The following CNBD1 variants were observed in gnomAD, a reference collection of about 807,000 sequenced individuals.
The protein encoded by CNBD1 is cyclic nucleotide-binding domain-containing protein 1.
In CNBD1, 71 loss-of-function variants were observed where a neutral mutation model predicts 54.4. That is an observed-to-expected ratio of 1.30 (90% CI 1.08 to 1.59). The LOEUF (loss-of-function observed/expected upper bound fraction) is 1.59, where lower values mean the gene tolerates loss of function less well. Ranked by LOEUF, CNBD1 falls within the 40% of genes most tolerant of loss-of-function variation. The pLI is 0.00. For missense variants in CNBD1, 659 were observed against 518.0 expected (o/e 1.27, Z -2.64); for synonymous variants, 182 against 170.7 (o/e 1.07, Z -0.51).
intron 8 of CNBD1, among the ~76,000 whole-genome samples, chr8:87,297,593 C>G (rs1447576332): frequency 2.6e-5 from 4 of 152,050 alleles, no homozygotes; most frequent in Admixed American, 6.5e-5. Context: ...GTGGCTAGAG[C>G]TAAGAGAGTG....
intron 4 of CNBD1, among the ~76,000 whole-genome samples, chr8:87,090,652 A>G (rs1811186677): frequency 6.6e-6 from 1 of 152,188 alleles, no homozygotes; most frequent in Non-Finnish European, 1.5e-5. Flanking sequence ...AAATTTACTG[A>G]TTGAATTTGA....
At chr8:87,041,341 G>C (rs1810063778) in intron 4 of CNBD1, among the ~76,000 whole-genome samples, 4 of 152,116 alleles carry the variant, frequency 2.6e-5, no homozygotes, top group Admixed American at 6.6e-5. Context: ...GGGGGTTGTG[G>C]TGCAGAACTA....
intron 4 of CNBD1, among the ~76,000 whole-genome samples, chr8:87,110,022 G>C (rs1244782437): frequency 6.6e-6 from 1 of 151,992 alleles, no homozygotes; most frequent in Non-Finnish European, 1.5e-5. Flanking sequence ...TAAACCATTT[G>C]CCACTGCCAG....
intron 4 of CNBD1, among the ~76,000 whole-genome samples, chr8:86,965,493 T>G (rs1343677832): frequency 6.6e-6 from 1 of 152,118 alleles, no homozygotes; most frequent in Non-Finnish European, 1.5e-5. Flanking sequence ...CTGTCCTCCT[T>G]AAGTCTGGCA....
At chr8:87,425,839 G>C (rs1475624603) in intron 2 of CNBD1, among the ~76,000 whole-genome samples, 2 of 152,156 alleles carry the variant, frequency 1.3e-5, no homozygotes, top group East Asian at 3.9e-4. Context: ...AGCTGTGGTG[G>C]GCTCCACCCA....
chr8:87,089,753 C>T (rs1811170569), intron 4 of CNBD1, among the ~76,000 whole-genome samples: 1 of 151,748 alleles, frequency 6.6e-6, no homozygotes, highest in South Asian at 2.1e-4. Context: ...TTTTTTTTCT[C>T]AAAGAATTTA....
chr8:87,152,022 A>G (rs1654909321), intron 4 of CNBD1, among the ~76,000 whole-genome samples: 1 of 152,162 alleles, frequency 6.6e-6, no homozygotes, highest in African/African-American at 2.4e-5. Flanking sequence ...CTCAAAAATG[A>G]GTCTAGGGAA....
chr8:87,265,574 A>G (rs1377938313), intron 6 of CNBD1, among the ~76,000 whole-genome samples: 1 of 152,180 alleles, frequency 6.6e-6, no homozygotes, highest in Non-Finnish European at 1.5e-5. Context: ...AGTAAATAAT[A>G]GGAATTATCT....
chr8:87,412,500 C>T (rs1413211763), intron 2 of CNBD1, among the ~76,000 whole-genome samples: 3 of 152,016 alleles, frequency 2.0e-5, no homozygotes, highest in Non-Finnish European at 2.9e-5. Context: ...GACACTCACC[C>T]ACATGGTCCC....
At chr8:87,185,546 C>A (rs1055878272) in intron 4 of CNBD1, among the ~76,000 whole-genome samples, 23 of 152,108 alleles carry the variant, frequency 1.5e-4, no homozygotes, top group Admixed American at 1.5e-3. Context: ...TAGTCTATGG[C>A]ACATTTTTTT....
intron 4 of CNBD1, among the ~76,000 whole-genome samples, chr8:86,945,628 G>T (rs1807448317): frequency 6.6e-6 from 1 of 152,086 alleles, no homozygotes; most frequent in Non-Finnish European, 1.5e-5. Context: ...GGAGTGGAAG[G>T]GGGATTCATA....
At chr8:86,986,416 CTT>C (rs1563848381) in intron 4 of CNBD1, among the ~76,000 whole-genome samples, 1 of 152,030 alleles carries the variant, frequency 6.6e-6, no homozygotes, top group Non-Finnish European at 1.5e-5. Context: ...GATATTAGAA[CTT>C]TGATGGATGC....
intron 5 of CNBD1, among the ~76,000 whole-genome samples, chr8:87,207,304 G>T (rs557076766): frequency 1.3e-5 from 2 of 152,030 alleles, no homozygotes; most frequent in South Asian, 4.2e-4. Flanking sequence ...TACATATTTT[G>T]ATATATCTAT....
chr8:87,124,807 T>C lies in CNBD1; in HGVS notation c.432-81186T>C, dbSNP rs935059692. ...GTACTGGAAGTCCTAGCCAGAGCAA[T>C]TAGGCAAGAGAAAGAAATACAAGCA... On this transcript the variant is annotated intron_variant, in intron 4 of 10. Transcript: ENST00000518476. Among the ~76,000 whole-genome samples, 3 of 151,602 alleles carry C rather than the reference T, an allele frequency of 2.0e-5. No homozygotes were observed. The East Asian group carries it at 5.8e-4, about 29-fold the overall frequency.
chr8:87,036,229 C>G (rs1809940001), intron 4 of CNBD1, among the ~76,000 whole-genome samples: 1 of 152,138 alleles, frequency 6.6e-6, no homozygotes, highest in African/African-American at 2.4e-5. Context: ...TTCTCCTCAC[C>G]ATTTATGTTT....
At chr8:87,219,895 G>A (rs958351638) in intron 5 of CNBD1, among the ~76,000 whole-genome samples, 7 of 151,780 alleles carry the variant, frequency 4.6e-5, no homozygotes, top group Non-Finnish European at 8.8e-5. Context: ...TATCTTAATA[G>A]ATGTCCATTC....
intron 8 of CNBD1, among the ~76,000 whole-genome samples, chr8:87,340,312 T>G (rs1810038746): frequency 6.6e-6 from 1 of 152,234 alleles, no homozygotes; most frequent in Non-Finnish European, 1.5e-5. Context: ...ATTAACTCTG[T>G]CTTTGACTTT....
chr8:87,073,017 G>A (rs954186711), intron 4 of CNBD1, among the ~76,000 whole-genome samples: 1 of 151,402 alleles, frequency 6.6e-6, no homozygotes, highest in Non-Finnish European at 1.5e-5. Flanking sequence ...TTTCCATTCT[G>A]TATTTTTTTT....
At chr8:86,942,320 G>T (rs551582980) in intron 4 of CNBD1, among the ~76,000 whole-genome samples, 1 of 152,182 alleles carries the variant, frequency 6.6e-6, no homozygotes, top group South Asian at 2.1e-4. Context: ...AAACTTAGTG[G>T]CTTACAACAA....
Sources: allele counts gnomAD v4.1 joint callset (sites outside exome capture counted in the v4.1 genomes callset), GRCh38; gene constraint gnomAD v4.1.1; transcripts MANE v1.5; gene names NCBI Gene and HGNC (gene_info 2026-07-23, HGNC 2026-07-21).